Variants in IRAK2 observed in about 807,000 individuals in gnomAD.
IRAK2 encodes interleukin-1 receptor-associated kinase-like 2.
Under a neutral mutation model 72.0 loss-of-function variants are expected in IRAK2, and 57 were observed. The observed-to-expected ratio is 0.79, with a 90% CI of 0.64 to 0.99. The LOEUF is 0.99. Among genes scored for constraint, IRAK2 ranks in the 50% least tolerant of loss-of-function variants. IRAK2 has a pLI of 0.00. For synonymous variants in IRAK2, 293 were observed against 312.7 expected (o/e 0.94, Z 0.67); for missense variants, 790 against 794.4 (o/e 0.99, Z 0.07).
chr3:10,217,532 T>C (rs1212625159), intron 7 of IRAK2, among the ~76,000 whole-genome samples: 11 of 152,204 alleles, frequency 7.2e-5, no homozygotes, highest in Admixed American at 7.2e-4. Flanking sequence ...TAAAATGTTC[T>C]TCTAATATAT....
chr3:10,180,944 C>T (rs1443922687), intron 2 of IRAK2, among the ~76,000 whole-genome samples: 4 of 151,946 alleles, frequency 2.6e-5, no homozygotes, highest in East Asian at 2.0e-4. Flanking sequence ...TGTCTGGGGT[C>T]GGGAATGGGG....
chr3:10,225,703 T>G (rs983688527), intron 9 of IRAK2, among the ~76,000 whole-genome samples: 6 of 89,814 alleles, frequency 6.7e-5, no homozygotes, highest in South Asian at 6.5e-4. Context: ...TTTTTGGTGT[T>G]TTTTTTTTTT....
chr3:10,175,927 A>G (rs1334444755), intron 1 of IRAK2, among the ~76,000 whole-genome samples: 1 of 151,292 alleles, frequency 6.6e-6, no homozygotes, highest in Non-Finnish European at 1.5e-5. Flanking sequence ...AAGATACAAA[A>G]TCTTACCTGC....
intron 1 of IRAK2, among the ~76,000 whole-genome samples, chr3:10,174,932 C>CAAAAAAAAA (rs771089899): frequency 1.4e-5 from 2 of 143,282 alleles, no homozygotes; most frequent in African/African-American, 5.3e-5. Flanking sequence ...ATGCCTGTAC[C>CAAAAAAAAA]AAAAAAAAAA....
intron 11 of IRAK2, 42 bp downstream of exon 11, chr3:10,234,701 TG>T: frequency 6.4e-7 from 1 of 1,555,520 alleles, no homozygotes; most frequent in Non-Finnish European, 8.8e-7. Flanking sequence ...GGGCCACGCG[TG>T]GGTCCACCTC....
At chr3:10,236,341 G>GTTT (rs1338122281) in intron 11 of IRAK2, among the ~76,000 whole-genome samples, 3,974 of 124,706 alleles carry the variant, frequency 0.032, 180 homozygotes, top group East Asian at 0.12. Flanking sequence ...GAGCCACTAA[G>GTTT]GTTTTTTTTT....
chr3:10,210,346 A>G (rs1697499256), intron 4 of IRAK2, among the ~76,000 whole-genome samples: 1 of 151,818 alleles, frequency 6.6e-6, no homozygotes, highest in Admixed American at 6.6e-5. Flanking sequence ...CTACCACCAC[A>G]TTCCACCCTG....
chr3:10,212,175 G>A (rs1697532081), intron 4 of IRAK2, among the ~76,000 whole-genome samples: 1 of 152,080 alleles, frequency 6.6e-6, no homozygotes, highest in Non-Finnish European at 1.5e-5. Flanking sequence ...TACACATGCA[G>A]TCTCTGGAAT....
intron 1 of IRAK2, among the ~76,000 whole-genome samples, chr3:10,176,510 C>G (rs2125141847): frequency 6.6e-6 from 1 of 152,188 alleles, no homozygotes; most frequent in East Asian, 1.9e-4. Flanking sequence ...CAGAGTCTCT[C>G]TCTGTCTCCC....
chr3:10,237,927 C>CTGTG (rs1491258718), intron 11 of IRAK2, among the ~76,000 whole-genome samples: 108 of 89,926 alleles, frequency 1.2e-3, no homozygotes, highest in Non-Finnish European at 1.8e-3. Context: ...TGTATGTGTG[C>CTGTG]TCTGTGTGTG....
intron 11 of IRAK2, among the ~76,000 whole-genome samples, chr3:10,235,360 G>A (rs1429108747): frequency 2.0e-5 from 3 of 151,694 alleles, no homozygotes; most frequent in Non-Finnish European, 1.5e-5. Context: ...AGGCTGGAGT[G>A]CAGTGGTGCT....
At chr3:10,166,417 G>T (rs777242519) in intron 1 of IRAK2, among the ~76,000 whole-genome samples, 4 of 152,170 alleles carry the variant, frequency 2.6e-5, no homozygotes, top group Non-Finnish European at 4.4e-5. Flanking sequence ...CGGGGAGGCC[G>T]CTTGCCTGTT....
rs779565883 is a variant in IRAK2 at position 10,215,645 on chromosome 3, A to G, written c.789-1289A>G. On this transcript the variant is annotated intron_variant, in intron 6 of 12. Transcript: ENST00000256458. ...AAGTGATCCTCCTGCTTTGGCCTCC[A>G]AAAGTGTTGGGATTTTAGATGTGAG... is the stretch of plus-strand genomic sequence containing the variant. 5.5e-4 allele frequency among the ~76,000 whole-genome samples: 83 copies of G among 152,060 alleles called. 1 individual carries two copies. Among genetic ancestry groups the G allele is most frequent in the Non-Finnish European group, 9.7e-4 (66 of 67,986 alleles).
intron 2 of IRAK2, among the ~76,000 whole-genome samples, chr3:10,181,287 C>T (rs776033324): frequency 2.0e-5 from 3 of 151,848 alleles, no homozygotes; most frequent in Non-Finnish European, 4.4e-5. Context: ...TTGTCAGAAT[C>T]AATATGGAGT....
rs779309414 is a variant in IRAK2 at position 10,238,899 on chromosome 3, C to A, written c.1625C>A (p.Ser542Tyr). 1 of 1,614,132 alleles carries A rather than the reference C, an allele frequency of 6.2e-7. No individual in the cohort carries two copies. Among genetic ancestry groups the A allele is most frequent in the East Asian group, 2.2e-5 (1 of 44,866 alleles). ...VDNSSLDASS[S>Y]MSVAPWAGAA... ...AATTCCAGCCTTGATGCCTCCTCCTCCATGAGTGTGGCACCCTGGGCAGGG... is the reference window on the plus strand; with the variant it reads ...AATTCCAGCCTTGATGCCTCCTCCTACATGAGTGTGGCACCCTGGGCAGGG... Residue 542 changes from serine to tyrosine, a missense_variant, in exon 12 of 13, where the codon TCC becomes TAC. By Grantham distance (144) the Ser-to-Tyr change is moderately radical. Coordinates refer to ENST00000256458, the MANE Select transcript of IRAK2 (RefSeq NM_001570.4).
chr3:10,220,720 T>G (rs999848335), intron 8 of IRAK2, among the ~76,000 whole-genome samples: 1 of 152,072 alleles, frequency 6.6e-6, no homozygotes, highest in African/African-American at 2.4e-5. Context: ...GGATTACAGG[T>G]GAGAGCCACC....
intron 11 of IRAK2, among the ~76,000 whole-genome samples, chr3:10,237,805 CAA>C (rs751642671): frequency 1.4e-4 from 8 of 55,794 alleles, no homozygotes; most frequent in Admixed American, 4.0e-4. Flanking sequence ...GACTCTGTCT[CAA>C]AAAAAAAAAA....
intron 3 of IRAK2, among the ~76,000 whole-genome samples, chr3:10,205,466 G>C (rs1697421200): frequency 6.6e-6 from 1 of 152,204 alleles, no homozygotes; most frequent in Non-Finnish European, 1.5e-5. Context: ...AAACTGAGAG[G>C]CCTGGGGGAG....
intron 6 of IRAK2, among the ~76,000 whole-genome samples, chr3:10,213,856 G>A (rs1232396152): frequency 6.6e-6 from 1 of 151,702 alleles, no homozygotes; most frequent in Non-Finnish European, 1.5e-5. Context: ...GAATTATAAA[G>A]GAAACTTGGC....
Sources: gnomAD v4.1 joint callset for allele counts (sites outside exome capture counted in the v4.1 genomes callset) on GRCh38, gnomAD v4.1.1 for gene constraint, MANE v1.5 for transcripts, NCBI Gene and HGNC (gene_info 2026-07-23, HGNC 2026-07-21) for gene names.